The following NAV3 variants were observed in gnomAD, a reference collection of about 807,000 sequenced individuals.
The protein encoded by NAV3 is pore membrane and/or filament interacting like protein 1.
In NAV3, 87 loss-of-function variants were observed where a neutral mutation model predicts 244.7. The observed-to-expected ratio is 0.36, with a 90% CI of 0.30 to 0.42. The LOEUF is 0.42. Ranked by LOEUF, NAV3 falls within the 20% of genes least tolerant of loss-of-function variation. The pLI is 1.00. For missense variants in NAV3, 2,663 were observed against 2,893.3 expected (o/e 0.92, Z 1.83); for synonymous variants, 1,126 against 1,042.2 (o/e 1.08, Z -1.55).
chr12:77,587,264 T>A (rs1157978397), intron 2 of NAV3, among the ~76,000 whole-genome samples: 1 of 152,196 alleles, frequency 6.6e-6, no homozygotes, highest in Non-Finnish European at 1.5e-5. Context: ...TTTCAACTTT[T>A]CAAATACAAT....
intron 9 of NAV3, among the ~76,000 whole-genome samples, chr12:78,031,921 T>C (rs904342203): frequency 1.3e-5 from 2 of 151,516 alleles, no homozygotes; most frequent in African/African-American, 4.9e-5. Flanking sequence ...AGAGAAGTGG[T>C]CTCTTTTTCC....
intron 2 of NAV3, among the ~76,000 whole-genome samples, chr12:77,665,859 A>G (rs1157019744): frequency 6.6e-6 from 1 of 152,198 alleles, no homozygotes; most frequent in Non-Finnish European, 1.5e-5. Context: ...GTTTGCCTGG[A>G]ATCACAAAAG....
chr12:78,179,722 CA>C, intron 29 of NAV3, 40 bp downstream of exon 29: 4 of 1,565,340 alleles, frequency 2.6e-6, no homozygotes, highest in Non-Finnish European at 3.5e-6. Context: ...AATGGAGAAA[CA>C]AAAAAATGCT....
chr12:78,187,891 T>C (rs1276330252), intron 31 of NAV3, among the ~76,000 whole-genome samples: 1 of 151,900 alleles, frequency 6.6e-6, no homozygotes, highest in Non-Finnish European at 1.5e-5. Context: ...CCAAGCTGCT[T>C]CTCTTTAAGA....
At chr12:78,117,160 TA>T (rs1566155827) in intron 13 of NAV3, among the ~76,000 whole-genome samples, 1,446 of 108,726 alleles carry the variant, frequency 0.013, 107 homozygotes, top group African/African-American at 0.02. Context: ...AGAAGCAGCA[TA>T]TATATATATA....
intron 2 of NAV3, among the ~76,000 whole-genome samples, chr12:77,721,191 C>A (rs552691384): frequency 6.6e-6 from 1 of 151,970 alleles, no homozygotes; most frequent in Non-Finnish European, 1.5e-5. Flanking sequence ...TGGATATTGT[C>A]GAATATTCAT....
At chr12:77,967,625 T>A (rs1477367584) in intron 4 of NAV3, among the ~76,000 whole-genome samples, 1 of 152,168 alleles carries the variant, frequency 6.6e-6, no homozygotes, top group African/African-American at 2.4e-5. Context: ...ATTTAAAATA[T>A]GATTACAGGT....
chr12:78,032,726 T>C (rs889412967), intron 9 of NAV3, among the ~76,000 whole-genome samples: 1 of 152,188 alleles, frequency 6.6e-6, no homozygotes, highest in African/African-American at 2.4e-5. Context: ...GAATTAATGG[T>C]ACAGATTTTA....
At chr12:77,675,182 A>T (rs992288881) in intron 2 of NAV3, among the ~76,000 whole-genome samples, 3 of 152,238 alleles carry the variant, frequency 2.0e-5, no homozygotes, top group Non-Finnish European at 4.4e-5. Flanking sequence ...GTTTGTTATT[A>T]ATTCAGTCTT....
intron 34 of NAV3, 68 bp from the exon 35 acceptor site, chr12:78,197,179 A>T: frequency 8.0e-7 from 1 of 1,257,182 alleles, no homozygotes; most frequent in African/African-American, 1.5e-5. Flanking sequence ...GCTATTCCTA[A>T]AATATTAACT....
At chr12:77,877,123 A>C (rs1881951819) in intron 1 of NAV3, among the ~76,000 whole-genome samples, 1 of 152,124 alleles carries the variant, frequency 6.6e-6, no homozygotes, top group Non-Finnish European at 1.5e-5. Context: ...GATTTGCTAC[A>C]TTTTAAGTTT....
At chr12:77,837,218 T>C (rs140575951) in intron 1 of NAV3, among the ~76,000 whole-genome samples, 2 of 151,458 alleles carry the variant, frequency 1.3e-5, no homozygotes. Context: ...GGAAAAGTTA[T>C]GTAAACTTTT....
intron 12 of NAV3, among the ~76,000 whole-genome samples, chr12:78,062,332 A>T (rs1884440642): frequency 6.6e-6 from 1 of 152,146 alleles, no homozygotes; most frequent in Non-Finnish European, 1.5e-5. Flanking sequence ...CCATTTTTTT[A>T]AAGACCTTTC....
intron 2 of NAV3, among the ~76,000 whole-genome samples, chr12:77,753,292 T>C (rs957437133): frequency 2.6e-5 from 4 of 152,208 alleles, no homozygotes; most frequent in African/African-American, 9.6e-5. Context: ...GTCTTGCACA[T>C]TGTAGGCACC....
At chr12:78,197,984 A>G (rs184377532) in intron 35 of NAV3, among the ~76,000 whole-genome samples, 2 of 152,016 alleles carry the variant, frequency 1.3e-5, no homozygotes, top group East Asian at 1.9e-4. Context: ...ATTAATGAGT[A>G]TGATTTTTAA....
In NAV3 at chr12:77,656,247, A is replaced by G. The variant is rs558971991; in HGVS notation, c.72+83981A>G. 2.1e-4 allele frequency among the ~76,000 whole-genome samples: 30 copies of G among 139,922 alleles called. 2 individuals are homozygous for G. Among genetic ancestry groups the G allele is most frequent in the Admixed American group, 2.0e-3 (28 of 14,118 alleles). The allele number at this position is 139,922 out of a possible 152,430, so 91.8% of individuals were successfully genotyped here. On this transcript the variant is annotated intron_variant, in intron 2 of 8. Coordinates refer to the NAV3 transcript ENST00000550042. ...GCAGAGACACACATAGGCTCAAAATAAAAGGATGGAGGAAGATCTACCAAG... is the reference window on the plus strand; with the variant it reads ...GCAGAGACACACATAGGCTCAAAATGAAAGGATGGAGGAAGATCTACCAAG...
intron 1 of NAV3, among the ~76,000 whole-genome samples, chr12:77,854,833 T>G (rs1478990123): frequency 6.6e-6 from 1 of 152,142 alleles, no homozygotes; most frequent in Non-Finnish European, 1.5e-5. Context: ...CTGACTAACA[T>G]CTGGCCGGGT....
intron 2 of NAV3, among the ~76,000 whole-genome samples, chr12:77,709,866 A>G (rs757548044): frequency 1.3e-5 from 2 of 152,200 alleles, no homozygotes; most frequent in Non-Finnish European, 2.9e-5. Flanking sequence ...ATGTAGTTTC[A>G]AACTATCTTT....
chr12:77,954,571 A>G (rs892547363), intron 3 of NAV3, among the ~76,000 whole-genome samples: 3 of 152,232 alleles, frequency 2.0e-5, no homozygotes, highest in Non-Finnish European at 4.4e-5. Context: ...AGTTTTGTAT[A>G]TGGAGTAAAT....
Sources: gnomAD v4.1 joint callset for allele counts (sites outside exome capture counted in the v4.1 genomes callset) on GRCh38, gnomAD v4.1.1 for gene constraint, MANE v1.5 for transcripts, NCBI Gene and HGNC (gene_info 2026-07-23, HGNC 2026-07-21) for gene names.